KDM4B: variants seen among roughly 807,000 people sequenced by gnomAD.
KDM4B encodes lysine demethylase 4B.
KDM4B carries 32 observed loss-of-function variants against 125.2 expected under a neutral mutation model. The ratio of observed to expected loss-of-function variants is 0.26; its 90% confidence interval spans 0.19 to 0.34. The LOEUF (loss-of-function observed/expected upper bound fraction) is 0.34. Among genes scored for constraint, KDM4B ranks in the 10% least tolerant of loss-of-function variants. KDM4B has a pLI of 1.00. For missense variants in KDM4B, 1,190 were observed against 1,577.7 expected (o/e 0.75, Z 4.16); for synonymous variants, 721 against 677.9 (o/e 1.06, Z -0.99).
At chr19:5,128,918 G>T (rs1378110122) in intron 11 of KDM4B, among the ~76,000 whole-genome samples, 1 of 151,668 alleles carries the variant, frequency 6.6e-6, no homozygotes, top group South Asian at 2.1e-4. Flanking sequence ...GGAAGACTGC[G>T]CTCCCTGCAA....
chr19:5,118,904 G>A (rs1455696301), intron 10 of KDM4B, among the ~76,000 whole-genome samples: 1 of 152,156 alleles, frequency 6.6e-6, no homozygotes, highest in Non-Finnish European at 1.5e-5. Flanking sequence ...CCCGTGAGCA[G>A]ATCCTGGGCT....
chr19:5,114,306 C>T lies in KDM4B; in HGVS notation c.1115+3488C>T, dbSNP rs1286394869. ...GCTGCTCTGTGAGCCCGGCTGGGCC[C>T]AGGCCTCGTCTCCCCTACCCCTCCG... is the stretch of plus-strand genomic sequence containing the variant. On this transcript the variant is annotated intron_variant, in intron 10 of 22. Transcript: ENST00000159111. The surrounding 1 kb of genome is among the most constrained non-coding windows in gnomAD (Gnocchi z 5.8). 2 of 1,119,692 alleles carry T rather than the reference C, an allele frequency of 1.8e-6. No individual in the cohort carries two copies. The highest frequency in any genetic ancestry group is 2.6e-5 in the South Asian group (2 of 77,740). 69.4% of individuals were successfully genotyped at this position (1,119,692 alleles called of 1,614,324 possible). A position where few individuals can be genotyped will look rare whatever the true frequency, so the allele number is the denominator to read the frequency against.
chr19:4,978,143 C>G (rs370036499), intron 1 of KDM4B, among the ~76,000 whole-genome samples: 3 of 152,266 alleles, frequency 2.0e-5, no homozygotes, highest in Admixed American at 6.5e-5. Context: ...GCTCCCTGCT[C>G]TATTCCAACT....
intron 5 of KDM4B, among the ~76,000 whole-genome samples, chr19:5,043,595 G>A (rs146921166): frequency 1.4e-5 from 2 of 144,278 alleles, no homozygotes; most frequent in Non-Finnish European, 3.0e-5. Context: ...GAGTGGGGGT[G>A]TCCACCATAT....
intron 10 of KDM4B, chr19:5,111,345 C>T (rs1023811284): frequency 1.1e-5 from 8 of 755,098 alleles, no homozygotes; most frequent in South Asian, 4.1e-5. Flanking sequence ...GGCCCCGGGG[C>T]GTGACCCTGG....
At chr19:5,027,549 T>G (rs1363762610) in intron 2 of KDM4B, among the ~76,000 whole-genome samples, 1 of 151,212 alleles carries the variant, frequency 6.6e-6, no homozygotes, top group Non-Finnish European at 1.5e-5. Context: ...TTTCAGTTTT[T>G]TTTTTTTTTT....
chr19:5,106,828 T>TCCAGC (rs1322671260), intron 9 of KDM4B, among the ~76,000 whole-genome samples: 1 of 152,118 alleles, frequency 6.6e-6, no homozygotes, highest in African/African-American at 2.4e-5. Context: ...GCTTATGGGT[T>TCCAGC]CCAGCCCAGC....
intron 1 of KDM4B, among the ~76,000 whole-genome samples, chr19:4,999,238 A>G (rs138916027): frequency 2.2e-4 from 33 of 152,198 alleles, no homozygotes; most frequent in African/African-American, 6.7e-4. Flanking sequence ...ACTTTGTTCA[A>G]TGGGTTATAA....
At position 5,137,693 on chromosome 19, in the gene KDM4B, G is replaced by T; in HGVS notation, c.2441+17G>T. 1 of 1,569,926 alleles carries T rather than the reference G, an allele frequency of 6.4e-7. No homozygotes were observed. The highest frequency in any genetic ancestry group is 1.2e-5 in the South Asian group (1 of 86,796). On this transcript the variant is annotated intron_variant, in intron 17 of 22. Coordinates refer to ENST00000159111, the MANE Select transcript of KDM4B (RefSeq NM_015015.3). ...CGATAGGAGGTGGGTGGCACCGCGC[G>T]TTGGGGCTGGAGGGCCGGAGGGGAG...
intron 2 of KDM4B, among the ~76,000 whole-genome samples, chr19:5,020,858 C>T (rs893090294): frequency 3.9e-5 from 6 of 152,170 alleles, no homozygotes; most frequent in Non-Finnish European, 5.9e-5. Flanking sequence ...AGAAAACATC[C>T]CTGACTGGCC....
intron 10 of KDM4B, chr19:5,119,002 T>C (rs1599224330): frequency 1.5e-6 from 1 of 648,364 alleles, no homozygotes; most frequent in East Asian, 2.7e-5. Flanking sequence ...ATGCACCTCA[T>C]GGGCTGCAGA....
At chr19:5,085,170 C>T (rs1020843076) in intron 9 of KDM4B, among the ~76,000 whole-genome samples, 1 of 152,204 alleles carries the variant, frequency 6.6e-6, no homozygotes, top group African/African-American at 2.4e-5. Context: ...CAGGGGTCTA[C>T]AGCAGGGAAG....
In KDM4B at chr19:5,090,067, T is replaced by C. The variant is rs370295892; in HGVS notation, c.918+7563T>C. Among the ~76,000 whole-genome samples the C allele has an allele frequency of 1.2e-3, 184 of 151,824 alleles. 1 individual carries two copies. Among genetic ancestry groups the C allele is most frequent in the African/African-American group, 4.2e-3 (174 of 41,224 alleles). ...TGAAGACCCCCAAAGCCTGGCCCCC[T>C]TCCTCCCTGCTGAGCAGGTGAGGCA... On this transcript the variant is annotated intron_variant, in intron 9 of 22. Transcript: ENST00000159111.
intron 3 of KDM4B, among the ~76,000 whole-genome samples, chr19:5,033,997 G>A (rs2036539345): frequency 6.6e-6 from 1 of 152,224 alleles, no homozygotes; most frequent in Non-Finnish European, 1.5e-5. Flanking sequence ...CAGGCGTGGT[G>A]TTGGTACATG....
chr19:5,134,201 T>G, intron 14 of KDM4B, 140 bp downstream of exon 14: 1 of 776,904 alleles, frequency 1.3e-6, no homozygotes, highest in Non-Finnish European at 2.0e-6. Flanking sequence ...GAGGGCTTGT[T>G]CCTGACAGCC....
intron 9 of KDM4B, among the ~76,000 whole-genome samples, chr19:5,099,484 T>C (rs943572183): frequency 6.6e-6 from 1 of 152,358 alleles, no homozygotes; most frequent in East Asian, 1.9e-4. Context: ...CCTGCTCTTA[T>C]ACAAGGAGCA....
At position 5,152,148 on chromosome 19, in the gene KDM4B, GTCAC is replaced by G. The variant is rs1352760132; in HGVS notation, c.*642_*645del. On this transcript the variant is annotated 3_prime_UTR_variant, in exon 23 of 23. Transcript: ENST00000159111. ...GACGCCCCGGTTTCGGCACAGCCCG[GTCAC>G]TCACGGCCTCGCTCTCGCCTCACCC... 1 of 152,246 alleles carries G rather than the reference GTCAC, an allele frequency of 6.6e-6. No homozygotes were observed. The highest frequency in any genetic ancestry group is 1.5e-5 in the Non-Finnish European group (1 of 68,064). The allele number at this position is 152,246 out of a possible 1,614,324, so 9.4% of individuals were successfully genotyped here.
intron 2 of KDM4B, among the ~76,000 whole-genome samples, chr19:5,026,279 C>G (rs1040713621): frequency 6.7e-6 from 1 of 149,672 alleles, no homozygotes. Flanking sequence ...ATGTGTGCGG[C>G]CTCCCAAAGT....
chr19:5,006,552 C>A (rs976535017), intron 1 of KDM4B, among the ~76,000 whole-genome samples: 1 of 152,116 alleles, frequency 6.6e-6, no homozygotes, highest in African/African-American at 2.4e-5. Flanking sequence ...GCAGGTGGAT[C>A]CCCTGAGGTC....
Sources: gnomAD v4.1 joint callset for allele counts (sites outside exome capture counted in the v4.1 genomes callset) on GRCh38, gnomAD v4.1.1 for gene constraint, Gnocchi (gnomAD v3.1) non-coding constraint, MANE v1.5 for transcripts, NCBI Gene and HGNC (gene_info 2026-07-23, HGNC 2026-07-21) for gene names.